ABLIM1: variants seen among roughly 807,000 people sequenced by gnomAD.
The protein encoded by ABLIM1 is actin binding LIM protein 1.
Under a neutral mutation model 107.0 loss-of-function variants are expected in ABLIM1, and 40 were observed. The observed-to-expected ratio is 0.37, with a 90% confidence interval of 0.29 to 0.49. The LOEUF (loss-of-function observed/expected upper bound fraction) is 0.49. Among genes scored for constraint, ABLIM1 ranks in the 20% least tolerant of loss-of-function variants. The pLI is 0.97. For synonymous variants in ABLIM1, 357 were observed against 357.3 expected (o/e 1.00, Z 0.01); for missense variants, 857 against 1,008.5 (o/e 0.85, Z 2.04).
chr10:114,528,018 A>G (rs2136860568), intron 6 of ABLIM1, among the ~76,000 whole-genome samples: 1 of 151,976 alleles, frequency 6.6e-6, no homozygotes, highest in South Asian at 2.1e-4. Context: ...TTGTATTTTT[A>G]GTAGAGATGG....
chr10:114,640,072 G>A (rs1351983185), intron 1 of ABLIM1, among the ~76,000 whole-genome samples: 1 of 152,188 alleles, frequency 6.6e-6, no homozygotes, highest in Non-Finnish European at 1.5e-5. Flanking sequence ...ATCCATGTTA[G>A]TTCCCTATAT....
In ABLIM1 at chr10:114,508,013, C is replaced by T. The variant is rs576139770; in HGVS notation, c.895-16135G>A. Among the ~76,000 whole-genome samples, 5 of 152,334 alleles carry T rather than the reference C, an allele frequency of 3.3e-5. No individual in the cohort carries two copies. The East Asian group carries it at 9.6e-4, about 29-fold the overall frequency. ...CTTCCCAGCCAAAGCAGCTGCTCTG[C>T]AAAGAAATGCTGGGGTACCTCTTGG... On this transcript the variant is annotated intron_variant, in intron 6 of 22. Transcript: ENST00000533213.
At chr10:114,579,596 A>G (rs2073101888) in intron 2 of ABLIM1, among the ~76,000 whole-genome samples, 1 of 152,188 alleles carries the variant, frequency 6.6e-6, no homozygotes, top group Admixed American at 6.5e-5. Flanking sequence ...CAAAATGCAT[A>G]TAACAAAAAA....
intron 6 of ABLIM1, among the ~76,000 whole-genome samples, chr10:114,508,884 C>G (rs1355591958): frequency 6.6e-6 from 1 of 152,158 alleles, no homozygotes; most frequent in African/African-American, 2.4e-5. Context: ...GTTCTACAAA[C>G]AGATGAAGAT....
At chr10:114,559,863 T>C (rs1325476977) in intron 4 of ABLIM1, among the ~76,000 whole-genome samples, 3 of 152,218 alleles carry the variant, frequency 2.0e-5, no homozygotes, top group Non-Finnish European at 4.4e-5. Context: ...CATATGGTCC[T>C]CTGCTCAAAT....
At position 114,457,970 on chromosome 10, in the gene ABLIM1, G is replaced by A. The variant is rs1370901518; in HGVS notation, c.1442-4487C>T. On this transcript the variant is annotated intron_variant, in intron 12 of 22. Transcript: ENST00000533213. Reference sequence around the variant, plus strand: ...CATCTGTAATCCCAGCTACTCAGGAGGCTATGGCAGGAGAATTGCTTGAAC... The same window carrying A: ...CATCTGTAATCCCAGCTACTCAGGAAGCTATGGCAGGAGAATTGCTTGAAC... 2.6e-5 allele frequency among the ~76,000 whole-genome samples: 4 copies of A among 152,226 alleles called. No individual in the cohort carries two copies. In the East Asian group the frequency reaches 7.7e-4, roughly 29 times the overall value.
chr10:114,782,917 G>A, the ABLIM1 span, among the ~76,000 whole-genome samples: 6 of 152,088 alleles, frequency 3.9e-5, no homozygotes, highest in Admixed American at 6.6e-5. Context: ...TTAGGTTTCC[G>A]GCTTCAGTGA....
chr10:114,644,317 A>G (rs1318481120), intron 1 of ABLIM1, among the ~76,000 whole-genome samples: 1 of 122,758 alleles, frequency 8.1e-6, no homozygotes, highest in Non-Finnish European at 1.6e-5. Context: ...ATATATATAT[A>G]TATATATATA....
chr10:114,444,151 G>GTAA lies in ABLIM1; in HGVS notation c.1828-18_1828-17insTTA. The stretch of plus-strand genomic sequence containing the variant: ...TGAGTTAAGCTATTCACAGAAAAAA[G>GTAA]GAAAAAAAAAAAAAAAAGAAAGCAA... On this transcript the variant is annotated splice_polypyrimidine_tract_variant and intron_variant, in intron 16 of 22. Transcript: ENST00000533213. 5 of 1,239,162 alleles carry GTAA rather than the reference G, an allele frequency of 4.0e-6. No individual in the cohort carries two copies. Among genetic ancestry groups the GTAA allele is most frequent in the Non-Finnish European group, 5.3e-6 (5 of 948,762 alleles). The allele number at this position is 1,239,162 out of a possible 1,614,324, so 76.8% of individuals were successfully genotyped here.
chr10:114,721,973 T>C (rs2081858447), intron 1 of ABLIM1, among the ~76,000 whole-genome samples: 1 of 152,266 alleles, frequency 6.6e-6, no homozygotes, highest in South Asian at 2.1e-4. Flanking sequence ...TTAAAATGTG[T>C]GCATGTATGT....
rs148576507 is a variant in ABLIM1 at position 114,585,421 on chromosome 10, C to T, written c.380-9822G>A. 2.7e-3 allele frequency among the ~76,000 whole-genome samples: 416 copies of T among 152,270 alleles called. 3 individuals carry two copies. The highest frequency in any genetic ancestry group is 3.8e-3 in the Non-Finnish European group (256 of 67,998). On this transcript the variant is annotated intron_variant, in intron 2 of 22. Transcript: ENST00000533213. The stretch of plus-strand genomic sequence containing the variant: ...CCTTATAAAAAAACAAAGGCACAAA[C>T]ACCATTTTTTGTCAACAACTACAGG...
intron 8 of ABLIM1, 71 bp downstream of exon 8, chr10:114,487,887 C>A: frequency 2.6e-6 from 4 of 1,565,356 alleles, no homozygotes; most frequent in Non-Finnish European, 2.6e-6. Context: ...AAACCCTAGC[C>A]CCAAGAATTA....
At chr10:114,743,284 C>T (rs1451439844) in intron 1 of ABLIM1, among the ~76,000 whole-genome samples, 2 of 152,118 alleles carry the variant, frequency 1.3e-5, no homozygotes, top group East Asian at 3.9e-4. Flanking sequence ...GGGTTCTGGA[C>T]AGTGTGCCCT....
intron 1 of ABLIM1, among the ~76,000 whole-genome samples, chr10:114,691,371 A>G (rs1281143856): frequency 6.6e-6 from 1 of 152,220 alleles, no homozygotes; most frequent in Non-Finnish European, 1.5e-5. Flanking sequence ...ACTTAGTGGT[A>G]TCCATAAAAC....
intron 2 of ABLIM1, among the ~76,000 whole-genome samples, chr10:114,576,778 T>C (rs1402236335): frequency 1.3e-5 from 2 of 152,206 alleles, no homozygotes; most frequent in African/African-American, 4.8e-5. Context: ...AGTCTTTGTT[T>C]AGATCAACAC....
At chr10:114,728,086 T>C (rs975905155) in intron 1 of ABLIM1, among the ~76,000 whole-genome samples, 1 of 152,210 alleles carries the variant, frequency 6.6e-6, no homozygotes, top group Non-Finnish European at 1.5e-5. Context: ...TGGATAAAGA[T>C]ACTAATAGTC....
intron 1 of ABLIM1, among the ~76,000 whole-genome samples, chr10:114,638,958 C>G (rs1591695181): frequency 6.6e-6 from 1 of 152,188 alleles, no homozygotes; most frequent in East Asian, 1.9e-4. Flanking sequence ...CCTGTCTAAT[C>G]ATTCTTAAGG....
intron 1 of ABLIM1, among the ~76,000 whole-genome samples, chr10:114,667,329 G>A (rs2080068333): frequency 6.6e-6 from 1 of 152,180 alleles, no homozygotes; most frequent in Non-Finnish European, 1.5e-5. Context: ...AACAGTGTAT[G>A]ATATTAACTA....
At chr10:114,465,898 C>A (rs1565400343) in intron 11 of ABLIM1, 71 bp from the exon 12 acceptor site, 3 of 1,521,518 alleles carry the variant, frequency 2.0e-6, no homozygotes, top group Non-Finnish European at 2.7e-6. Context: ...CAAACACTGC[C>A]AAGGAACCAT....
Sources: gnomAD v4.1 joint callset for allele counts (sites outside exome capture counted in the v4.1 genomes callset) on GRCh38, gnomAD v4.1.1 for gene constraint, MANE v1.5 for transcripts, NCBI Gene and HGNC (gene_info 2026-07-23, HGNC 2026-07-21) for gene names.